The following INPP5A variants were observed in gnomAD, a reference collection of about 807,000 sequenced individuals.
INPP5A encodes the protein 43 kDa inositol polyphosphate 5-phophatase.
Under a neutral mutation model 65.2 loss-of-function variants are expected in INPP5A, and 14 were observed. The observed-to-expected ratio is 0.21, with a 90% CI of 0.14 to 0.34. The LOEUF is 0.34. Ranked by LOEUF, INPP5A falls within the 10% of genes least tolerant of loss-of-function variation. INPP5A has a pLI of 1.00. For synonymous variants in INPP5A, 207 were observed against 208.3 expected (o/e 0.99, Z 0.05); for missense variants, 431 against 545.6 (o/e 0.79, Z 2.09).
chr10:132,711,420 C>T (rs1434050431), intron 8 of INPP5A, among the ~76,000 whole-genome samples: 8 of 152,344 alleles, frequency 5.3e-5, no homozygotes, highest in Admixed American at 1.3e-4. Context: ...AAACCTTTCC[C>T]GCCAGCATCC....
intron 1 of INPP5A, among the ~76,000 whole-genome samples, chr10:132,605,372 G>A (rs1391554774): frequency 7.2e-6 from 1 of 139,308 alleles, no homozygotes; most frequent in African/African-American, 2.7e-5. Flanking sequence ...AGGGGGAAGC[G>A]GCTGGGGGAT....
intron 1 of INPP5A, among the ~76,000 whole-genome samples, chr10:132,570,483 A>G (rs2071327625): frequency 6.6e-6 from 1 of 152,160 alleles, no homozygotes; most frequent in Non-Finnish European, 1.5e-5. Context: ...GAGGGGAGAA[A>G]GGGGTGGCAA....
chr10:132,709,464 G>T (rs770751094), intron 7 of INPP5A, among the ~76,000 whole-genome samples: 2 of 151,976 alleles, frequency 1.3e-5, no homozygotes, highest in African/African-American at 2.4e-5. Context: ...AGAAGGAGCC[G>T]CGGTCCCGTG....
At chr10:132,586,211 A>G (rs972100351) in intron 1 of INPP5A, among the ~76,000 whole-genome samples, 1 of 152,202 alleles carries the variant, frequency 6.6e-6, no homozygotes, top group African/African-American at 2.4e-5. Flanking sequence ...GCTCTCTGTC[A>G]GGAGAAGCAG....
intron 11 of INPP5A, among the ~76,000 whole-genome samples, chr10:132,757,529 C>T (rs753512946): frequency 9.9e-5 from 15 of 152,248 alleles, no homozygotes; most frequent in Non-Finnish European, 1.0e-4. Context: ...GGAGCGTACA[C>T]GCGCTGTGAT....
intron 12 of INPP5A, among the ~76,000 whole-genome samples, chr10:132,769,146 G>T (rs1036419885): frequency 2.0e-5 from 3 of 152,258 alleles, no homozygotes; most frequent in African/African-American, 2.4e-5. Context: ...TCCTGCAAAG[G>T]TGTTTGCCAC....
rs199669661 is a variant in INPP5A, at chr10:132,690,466, G to C, written c.370+11G>C. ...AGTTTGACTTTAAAGGTAAGACTGC[G>C]TGCCGTCTTCCGGGATTTTGTCTCG... On this transcript the variant is annotated intron_variant, in intron 5 of 15. Coordinates refer to ENST00000368594, the MANE Select transcript of INPP5A (RefSeq NM_005539.5). 5.0e-6 allele frequency: 8 copies of C among 1,602,402 alleles called. No individual in the cohort carries two copies. The highest frequency in any genetic ancestry group is 6.8e-6 in the Non-Finnish European group (8 of 1,170,202).
intron 5 of INPP5A, among the ~76,000 whole-genome samples, chr10:132,696,472 C>G (rs1019315130): frequency 6.6e-6 from 1 of 152,114 alleles, no homozygotes; most frequent in Non-Finnish European, 1.5e-5. Flanking sequence ...GTCAGCTCCA[C>G]GGGGTGTTAT....
At chr10:132,721,255 G>A (rs1295229750) in intron 8 of INPP5A, among the ~76,000 whole-genome samples, 2 of 150,130 alleles carry the variant, frequency 1.3e-5, no homozygotes, top group Non-Finnish European at 3.0e-5. Context: ...GGTTCTGTCT[G>A]GGCACCTTAG....
rs984139741 is a variant in INPP5A, at chr10:132,681,019, C to T, written c.307-9373C>T. Among the ~76,000 whole-genome samples, 12 of 152,372 alleles carry T rather than the reference C, an allele frequency of 7.9e-5. No homozygotes were observed. The South Asian group carries it at 2.5e-3, about 32-fold the overall frequency. ...AGGGCGCCCAGTCCCATCGACCACC[C>T]AAGGGCTTGAGGAGTGCGGGCGCAC... On this transcript the variant is annotated intron_variant, in intron 4 of 15. Transcript: ENST00000368594.
chr10:132,729,701 G>A (rs1846048169), intron 9 of INPP5A, among the ~76,000 whole-genome samples: 1 of 152,212 alleles, frequency 6.6e-6, no homozygotes, highest in South Asian at 2.1e-4. Context: ...GGCCAGTGCT[G>A]GGGAGGGCAC....
In INPP5A at chr10:132,704,171, C is replaced by T. The variant is rs1279243448; in HGVS notation, c.475-4142C>T. On this transcript the variant is annotated intron_variant, in intron 6 of 15. Coordinates refer to ENST00000368594, the MANE Select transcript of INPP5A (RefSeq NM_005539.5). The surrounding 1 kb of genome is among the most constrained non-coding windows in gnomAD (Gnocchi z 4.5). ...GTGTCGAGGCACGGAAGATGAGCTGCTGGTGCTCTAGGGGAGTCGTGTATT... is the reference window on the plus strand; with the variant it reads ...GTGTCGAGGCACGGAAGATGAGCTGTTGGTGCTCTAGGGGAGTCGTGTATT... Among the ~76,000 whole-genome samples, 1 of 152,084 alleles carries T rather than the reference C, an allele frequency of 6.6e-6. No homozygotes were observed. The highest frequency in any genetic ancestry group is 1.5e-5 in the Non-Finnish European group (1 of 68,022).
At chr10:132,540,072 A>G (rs2070889693) in intron 1 of INPP5A, among the ~76,000 whole-genome samples, 2 of 152,204 alleles carry the variant, frequency 1.3e-5, no homozygotes, top group Admixed American at 1.3e-4. Flanking sequence ...GCTTTCCAGT[A>G]ACATGTCACT....
rs1023702848 is a variant in INPP5A at position 132,717,436 on chromosome 10, A to T, written c.647+6980A>T. Among the ~76,000 whole-genome samples the T allele has an allele frequency of 6.6e-5, 10 of 151,526 alleles. 1 individual carries two copies. Among genetic ancestry groups the T allele is most frequent in the African/African-American group, 2.5e-4 (10 of 40,784 alleles). ...AGTGAGCAGCCTGGCTGCCCCAGGC[A>T]CTTTGGGGGCTCTGCTAGCCCTGAG... is the stretch of plus-strand genomic sequence containing the variant. On this transcript the variant is annotated intron_variant, in intron 8 of 15. Coordinates refer to ENST00000368594, the MANE Select transcript of INPP5A (RefSeq NM_005539.5).
At chr10:132,576,217 T>C (rs1794097331) in intron 1 of INPP5A, among the ~76,000 whole-genome samples, 1 of 152,184 alleles carries the variant, frequency 6.6e-6, no homozygotes, top group African/African-American at 2.4e-5. Flanking sequence ...TCTCCAGCCC[T>C]CTTGCCAGAG....
At chr10:132,595,438 CTG>C (rs544725240) in intron 1 of INPP5A, among the ~76,000 whole-genome samples, 302 of 152,346 alleles carry the variant, frequency 2.0e-3, no homozygotes, top group African/African-American at 6.8e-3. Context: ...CCACTGGTAA[CTG>C]TGTAGTTCAC....
chr10:132,556,896 C>T (rs898846771), intron 1 of INPP5A, among the ~76,000 whole-genome samples: 1 of 152,066 alleles, frequency 6.6e-6, no homozygotes, highest in African/African-American at 2.4e-5. Flanking sequence ...GTGGAATAGA[C>T]ACTTCTGTCA....
chr10:132,599,706 C>T (rs1035600304), intron 1 of INPP5A, among the ~76,000 whole-genome samples: 4 of 152,240 alleles, frequency 2.6e-5, no homozygotes, highest in African/African-American at 9.6e-5. Context: ...TCCATGAGGG[C>T]CCCACCCCTG....
chr10:132,673,834 T>A (rs904471885), intron 4 of INPP5A, among the ~76,000 whole-genome samples: 2 of 152,218 alleles, frequency 1.3e-5, no homozygotes, highest in African/African-American at 4.8e-5. Flanking sequence ...TGCCACCAGG[T>A]AGCTGGCTGA....
Sources: gnomAD v4.1 joint callset for allele counts (sites outside exome capture counted in the v4.1 genomes callset) on GRCh38, gnomAD v4.1.1 for gene constraint, Gnocchi (gnomAD v3.1) non-coding constraint, MANE v1.5 for transcripts, NCBI Gene and HGNC (gene_info 2026-07-23, HGNC 2026-07-21) for gene names.